Variants in OPHN1 observed in about 807,000 individuals in gnomAD.
OPHN1 encodes oligophrenin 1, also known as oligophrenin-1.
Under a neutral mutation model 60.7 loss-of-function variants are expected in OPHN1, and 11 were observed. The ratio of observed to expected loss-of-function variants is 0.18; its 90% confidence interval spans 0.11 to 0.30. The LOEUF is 0.30. Among genes scored for constraint, OPHN1 ranks in the 10% least tolerant of loss-of-function variants. The pLI is 1.00. For synonymous variants in OPHN1, 226 were observed against 222.6 expected, an observed-to-expected ratio of 1.02 and a Z score of -0.14; for missense variants, 449 against 611.0, an observed-to-expected ratio of 0.73 and a Z score of 2.80.
intron 21 of OPHN1, among the ~76,000 whole-genome samples, chrX:68,058,259 AACACAC>A (rs745625536): frequency 5.9e-5 from 6 of 101,901 alleles, no homozygotes; most frequent in African/African-American, 1.4e-4. Context: ...CCTACACTCT[AACACAC>A]ACACACACAC....
intron 2 of OPHN1, among the ~76,000 whole-genome samples, chrX:68,364,039 A>T (rs2078486612): frequency 8.9e-6 from 1 of 112,291 alleles, no homozygotes; most frequent in South Asian, 3.7e-4. Context: ...TTCCTTGAAC[A>T]TGCCCAGTTC....
chrX:68,052,767 C>T (rs941347689), intron 22 of OPHN1, among the ~76,000 whole-genome samples, 177 bp from the exon 23 acceptor site: 1 of 111,883 alleles, frequency 8.9e-6, no homozygotes, highest in African/African-American at 3.3e-5. Flanking sequence ...CATAGGCACC[C>T]CTAAGGCCAT....
At chrX:68,094,950 G>A (rs2077032805) in intron 19 of OPHN1, among the ~76,000 whole-genome samples, 2 of 110,728 alleles carry the variant, frequency 1.8e-5, no homozygotes, top group South Asian at 7.8e-4. Flanking sequence ...ATCGATCTCT[G>A]CTGAAAGGTC....
intron 5 of OPHN1, among the ~76,000 whole-genome samples, chrX:68,263,890 A>G (rs1401373024): frequency 8.9e-6 from 1 of 112,230 alleles, no homozygotes; most frequent in African/African-American, 3.2e-5. Flanking sequence ...AATATTTTCT[A>G]TTTTTTCAAA....
intron 15 of OPHN1, among the ~76,000 whole-genome samples, chrX:68,130,651 C>G (rs1188867157): frequency 9.0e-6 from 1 of 110,857 alleles, no homozygotes; most frequent in Non-Finnish European, 1.9e-5. Context: ...CTCCACAAAA[C>G]AATATAGAGC....
At chrX:68,354,805 C>CGTCATGA (rs2078432583) in intron 2 of OPHN1, among the ~76,000 whole-genome samples, 2 of 110,835 alleles carry the variant, frequency 1.8e-5, no homozygotes, top group Non-Finnish European at 3.8e-5. Context: ...AGAAAGAACA[C>CGTCATGA]TGAGTTTGTA....
In OPHN1 at chrX:68,053,674, A is replaced by T; in HGVS notation, c.2295T>A (p.Ala765=). Residue 765 remains alanine, a synonymous_variant, in exon 22 of 25, where the codon GCT becomes GCA. Transcript: ENST00000355520. ...QKPEPKPDIV[A]GNAGEITSSV... Reference sequence around the variant, plus strand: ...ATGATGTGATTTCCCCCGCATTGCCAGCCACAATATCTGGCTTTGGTTCTG... The same window carrying T: ...ATGATGTGATTTCCCCCGCATTGCCTGCCACAATATCTGGCTTTGGTTCTG... The T allele has an allele frequency of 1.7e-6, 2 of 1,211,677 alleles. No homozygotes were observed. The highest frequency in any genetic ancestry group is 2.2e-6 in the Non-Finnish European group (2 of 895,528).
In OPHN1 at chrX:68,217,855, T is replaced by C. The variant is rs1444913899; in HGVS notation, c.487-3883A>G. ...AAAACAGAACAGAAAAACCGGAAAC[T>C]CTAAAAAGCAGAGCGCCTCTCCTCC... On this transcript the variant is annotated intron_variant, in intron 6 of 24. Coordinates refer to ENST00000355520, the MANE Select transcript of OPHN1 (RefSeq NM_002547.3). Among the ~76,000 whole-genome samples, 3 of 86,773 alleles carry C rather than the reference T, an allele frequency of 3.5e-5. No individual in the cohort carries two copies. In the Admixed American group the frequency reaches 4.1e-4, roughly 12 times the overall value. 75.4% of individuals were successfully genotyped at this position (86,773 alleles called of 115,157 possible). A position where few individuals can be genotyped will look rare whatever the true frequency, so the allele number is the denominator to read the frequency against.
chrX:68,322,365 C>T (rs1163611298), intron 2 of OPHN1, among the ~76,000 whole-genome samples: 1 of 111,648 alleles, frequency 9.0e-6, no homozygotes, highest in Non-Finnish European at 1.9e-5. Context: ...TGCACAAAAT[C>T]CTCTACAGGA....
chrX:68,333,972 A>T (rs1316036224), intron 2 of OPHN1, among the ~76,000 whole-genome samples: 1 of 104,316 alleles, frequency 9.6e-6, no homozygotes, highest in African/African-American at 3.5e-5. Flanking sequence ...ATCTCGGCTC[A>T]CTGCAACCTC....
At chrX:68,178,775 A>C (rs1267651903) in intron 15 of OPHN1, among the ~76,000 whole-genome samples, 1 of 111,888 alleles carries the variant, frequency 8.9e-6, no homozygotes, top group Non-Finnish European at 1.9e-5. Context: ...TGTTTTTGTC[A>C]ATTGCAACTT....
At chrX:68,169,590 C>T (rs1282029978) in intron 15 of OPHN1, among the ~76,000 whole-genome samples, 20 of 107,842 alleles carry the variant, frequency 1.9e-4, no homozygotes, top group African/African-American at 5.8e-4. Context: ...GAGATATAGA[C>T]CAATGGAACA....
intron 2 of OPHN1, among the ~76,000 whole-genome samples, chrX:68,391,384 G>C (rs2078653097): frequency 9.0e-6 from 1 of 110,926 alleles, no homozygotes; most frequent in Non-Finnish European, 1.9e-5. Context: ...ATTTCACTTT[G>C]TGACAGAATA....
At chrX:68,274,633 A>C (rs1039840190) in intron 5 of OPHN1, 105 bp downstream of exon 5, 1 of 560,386 alleles carries the variant, frequency 1.8e-6, no homozygotes, top group Non-Finnish European at 3.0e-6. Flanking sequence ...GCCAAGAGCA[A>C]AGCACCAGCA....
At chrX:68,154,901 G>A (rs951763314) in intron 15 of OPHN1, among the ~76,000 whole-genome samples, 21 of 85,492 alleles carry the variant, frequency 2.5e-4, no homozygotes, top group Non-Finnish European at 2.2e-5. Context: ...ACACATAAAC[G>A]GAGTAGCAGA....
intron 19 of OPHN1, among the ~76,000 whole-genome samples, chrX:68,084,000 GA>G (rs1434462975): frequency 3.6e-5 from 4 of 110,345 alleles, no homozygotes; most frequent in Non-Finnish European, 7.6e-5. Flanking sequence ...ATGTAAGAAA[GA>G]AAAAAAAGTT....
Position 68,282,244 on chromosome X carries a change from A to T in OPHN1, c.312+812T>A, listed in dbSNP as rs762503578. Among the ~76,000 whole-genome samples the T allele has an allele frequency of 5.1e-3, 570 of 112,280 alleles. 4 individuals are homozygous for T. The highest frequency in any genetic ancestry group is 0.017 in the African/African-American group (541 of 30,961). On this transcript the variant is annotated intron_variant, in intron 4 of 24. Coordinates refer to ENST00000355520, the MANE Select transcript of OPHN1 (RefSeq NM_002547.3). Reference sequence around the variant, plus strand: ...GGGATATTACTTAATGATAAAAATAAATGACAGGAAAATAAAATGCATATT... The same window carrying T: ...GGGATATTACTTAATGATAAAAATATATGACAGGAAAATAAAATGCATATT...
chrX:68,266,989 A>G (rs1426859216), intron 5 of OPHN1, among the ~76,000 whole-genome samples: 1 of 112,076 alleles, frequency 8.9e-6, no homozygotes, highest in Non-Finnish European at 1.9e-5. Flanking sequence ...TATCCTAAAT[A>G]TATATGCACC....
chrX:68,282,770 T>A (rs1275161075), intron 4 of OPHN1, among the ~76,000 whole-genome samples: 1 of 111,616 alleles, frequency 9.0e-6, no homozygotes, highest in Non-Finnish European at 1.9e-5. Context: ...AGACCTCAAT[T>A]TCTGTCAACA....
Sources: allele counts gnomAD v4.1 joint callset (sites outside exome capture counted in the v4.1 genomes callset), GRCh38; gene constraint gnomAD v4.1.1; transcripts MANE v1.5; gene names NCBI Gene and HGNC (gene_info 2026-07-23, HGNC 2026-07-21).